STK4: variants seen among roughly 807,000 people sequenced by gnomAD.
The protein encoded by STK4 is serine/threonine kinase 4.
In STK4, 30 loss-of-function variants were observed where a neutral mutation model predicts 64.9. The ratio of observed to expected loss-of-function variants is 0.46; its 90% CI spans 0.35 to 0.63. The LOEUF is 0.63. STK4 is among the 20% of genes least tolerant of loss of function. The pLI is 0.01. For missense variants in STK4, 466 were observed against 598.5 expected (o/e 0.78, Z 2.31); for synonymous variants, 177 against 199.0 (o/e 0.89, Z 0.93).
intron 3 of STK4, among the ~76,000 whole-genome samples, chr20:44,979,973 A>G (rs1045940715): frequency 6.6e-6 from 1 of 152,158 alleles, no homozygotes; most frequent in Non-Finnish European, 1.5e-5. Flanking sequence ...AGAGTATGGA[A>G]ATGTCTTTAA....
intron 3 of STK4, among the ~76,000 whole-genome samples, chr20:44,978,923 C>T (rs556422662): frequency 4.0e-5 from 6 of 151,666 alleles, no homozygotes; most frequent in South Asian, 2.1e-4. Context: ...CTCAGCCTCC[C>T]GAGTAGCTGG....
chr20:45,048,661 T>C (rs2145433454), intron 10 of STK4, among the ~76,000 whole-genome samples: 1 of 152,128 alleles, frequency 6.6e-6, no homozygotes, highest in Admixed American at 6.5e-5. Context: ...TTTGTATTTT[T>C]AGTAGAGACG....
rs1253165994 is a variant in STK4, at chr20:45,061,855, CT to C, written c.1306-13159del. ...AACATGCAGTATTTGTTTTTCTTTT[CT>C]TTTCTTCTTCTTCTTCTTTTTTTTT... is the stretch of plus-strand genomic sequence containing the variant. On this transcript the variant is annotated intron_variant, in intron 10 of 10. Transcript: ENST00000372806. Among the ~76,000 whole-genome samples the C allele has an allele frequency of 8.6e-5, 12 of 140,062 alleles. No homozygotes were observed. The South Asian group carries it at 9.4e-4, about 11-fold the overall frequency. 91.9% of individuals were successfully genotyped at this position (140,062 alleles called of 152,430 possible).
Position 45,075,828 on chromosome 20 carries a change from G to A in STK4, c.*652G>A, listed in dbSNP as rs966737228. On this transcript the variant is annotated 3_prime_UTR_variant, in exon 11 of 11. Transcript: ENST00000372806. ...CTGGAGCTATTGGTGATGTCCAAGG[G>A]AAAGCTTTGAGAGTTTATGTTTACT... is the stretch of plus-strand genomic sequence containing the variant. 1 of 152,666 alleles carries A rather than the reference G, an allele frequency of 6.6e-6. No homozygotes were observed. Among genetic ancestry groups the A allele is most frequent in the Non-Finnish European group, 1.5e-5 (1 of 68,066 alleles). 9.5% of individuals were successfully genotyped at this position (152,666 alleles called of 1,614,324 possible). A position where few individuals can be genotyped will look rare whatever the true frequency, so the allele number is the denominator to read the frequency against.
intron 9 of STK4, among the ~76,000 whole-genome samples, chr20:45,014,611 CT>C (rs1320939686): frequency 6.6e-6 from 1 of 152,024 alleles, no homozygotes; most frequent in East Asian, 1.9e-4. Flanking sequence ...TTTGCACAGA[CT>C]TGTAGTTTAG....
chr20:45,033,057 CA>C (rs1163141926), intron 10 of STK4, among the ~76,000 whole-genome samples: 2 of 151,978 alleles, frequency 1.3e-5, no homozygotes, highest in African/African-American at 2.4e-5. Flanking sequence ...GCTTATTGAC[CA>C]TGTGTATGTC....
chr20:45,024,192 G>A (rs1482202733), intron 9 of STK4, among the ~76,000 whole-genome samples: 5 of 151,766 alleles, frequency 3.3e-5, no homozygotes, highest in Non-Finnish European at 7.4e-5. Flanking sequence ...GAGCCACCGC[G>A]CCTGACCCAG....
chr20:44,981,214 G>A (rs1601193754), intron 3 of STK4, among the ~76,000 whole-genome samples: 1 of 152,104 alleles, frequency 6.6e-6, no homozygotes, highest in African/African-American at 2.4e-5. Context: ...GAGTGCAGTG[G>A]CGCGATTTCG....
At chr20:44,981,164 G>GT (rs914367046) in intron 3 of STK4, among the ~76,000 whole-genome samples, 3 of 149,776 alleles carry the variant, frequency 2.0e-5, no homozygotes, top group Admixed American at 6.6e-5. Flanking sequence ...AGCATTCTTT[G>GT]TTTTTTTTGA....
intron 10 of STK4, among the ~76,000 whole-genome samples, chr20:45,072,139 T>C (rs556466698): frequency 6.6e-6 from 1 of 152,172 alleles, no homozygotes; most frequent in Non-Finnish European, 1.5e-5. Flanking sequence ...GGACTGGGGC[T>C]CAGGAATCTG....
intron 10 of STK4, among the ~76,000 whole-genome samples, chr20:45,048,866 T>C (rs1176646425): frequency 6.6e-6 from 1 of 152,182 alleles, no homozygotes; most frequent in Non-Finnish European, 1.5e-5. Flanking sequence ...GTTATGACTT[T>C]CTTGTTCCTA....
At chr20:45,065,430 T>A (rs1979481915) in intron 10 of STK4, among the ~76,000 whole-genome samples, 1 of 152,152 alleles carries the variant, frequency 6.6e-6, no homozygotes, top group Admixed American at 6.5e-5. Flanking sequence ...TTTTTGTTTT[T>A]TGGTGGTTGT....
At chr20:45,060,184 C>A (rs1263811209) in intron 10 of STK4, among the ~76,000 whole-genome samples, 1 of 152,046 alleles carries the variant, frequency 6.6e-6, no homozygotes, top group Non-Finnish European at 1.5e-5. Flanking sequence ...TGGGCAGCCC[C>A]CTAAGCAGAA....
In STK4 at chr20:44,999,546, C is replaced by A. The variant is rs147341631; in HGVS notation, c.832-846C>A. 2.5e-3 allele frequency among the ~76,000 whole-genome samples: 386 copies of A among 152,304 alleles called. 3 individuals carry two copies. Among genetic ancestry groups the A allele is most frequent in the African/African-American group, 8.8e-3 (366 of 41,556 alleles). The stretch of plus-strand genomic sequence containing the variant: ...AAAGAATTTCCATATGTAACTTTCA[C>A]AGCATAGATTTCTTATCACGTGCTA... On this transcript the variant is annotated intron_variant, in intron 7 of 10. Coordinates refer to ENST00000372806, the MANE Select transcript of STK4 (RefSeq NM_006282.5).
Position 44,998,597 on chromosome 20 carries a change from C to G in STK4, c.831+1291C>G, listed in dbSNP as rs1442483767. 2.0e-5 allele frequency among the ~76,000 whole-genome samples: 3 copies of G among 151,830 alleles called. No homozygotes were observed. The East Asian group carries it at 5.8e-4, about 29-fold the overall frequency. On this transcript the variant is annotated intron_variant, in intron 7 of 10. Coordinates refer to ENST00000372806, the MANE Select transcript of STK4 (RefSeq NM_006282.5). ...CACATATAATAAAACCTTTTTATGC[C>G]CATAATTTAAAAAGAATCAATATTG...
At chr20:45,021,625 C>A (rs1445868933) in intron 9 of STK4, among the ~76,000 whole-genome samples, 1 of 152,176 alleles carries the variant, frequency 6.6e-6, no homozygotes, top group Non-Finnish European at 1.5e-5. Context: ...CATCTCTAGA[C>A]GATATCTTTA....
At chr20:45,011,729 A>ATATTT (rs60170856) in intron 9 of STK4, among the ~76,000 whole-genome samples, 1 of 115,400 alleles carries the variant, frequency 8.7e-6, no homozygotes, top group African/African-American at 3.6e-5. Context: ...ATATATATAT[A>ATATTT]TTTTTTTTTT....
intron 9 of STK4, among the ~76,000 whole-genome samples, chr20:45,012,593 C>T (rs2068069261): frequency 6.6e-6 from 1 of 152,064 alleles, no homozygotes; most frequent in Non-Finnish European, 1.5e-5. Flanking sequence ...GTTGCTATTA[C>T]AAATGGCATA....
At chr20:45,044,145 A>G (rs1050504350) in intron 10 of STK4, among the ~76,000 whole-genome samples, 3 of 152,090 alleles carry the variant, frequency 2.0e-5, no homozygotes, top group African/African-American at 7.2e-5. Context: ...GTTTCTTTCT[A>G]CCCACCTCTC....
Sources: gnomAD v4.1 joint callset for allele counts (sites outside exome capture counted in the v4.1 genomes callset) on GRCh38, gnomAD v4.1.1 for gene constraint, MANE v1.5 for transcripts, NCBI Gene and HGNC (gene_info 2026-07-23, HGNC 2026-07-21) for gene names.